SCN3A: variants seen among roughly 807,000 people sequenced by gnomAD.
The protein encoded by SCN3A is sodium voltage-gated channel alpha subunit 3.
In SCN3A, 60 loss-of-function variants were observed where a neutral mutation model predicts 187.6. That is an observed-to-expected ratio of 0.32 (90% CI 0.26 to 0.40). The LOEUF (loss-of-function observed/expected upper bound fraction) is 0.40, where lower values mean the gene tolerates loss of function less well. Among genes scored for constraint, SCN3A ranks in the 10% least tolerant of loss-of-function variants. The pLI is 1.00. For synonymous variants in SCN3A, 788 were observed against 829.2 expected, an observed-to-expected ratio of 0.95 and a Z score of 0.85; for missense variants, 1,601 against 2,428.2, an observed-to-expected ratio of 0.66 and a Z score of 7.16.
In SCN3A at chr2:165,164,495, A is replaced by G; in HGVS notation, c.499T>C (p.Phe167Leu). The change falls in exon 6 of 28, where the codon TTT (phenylalanine) becomes CTT (leucine). Residue 167 changes from phenylalanine (F) to leucine (L), a missense_variant. Physicochemically the swap from Phe to Leu is conservative, Grantham distance 22 (BLOSUM62 0). Coordinates refer to ENST00000283254, the MANE Select transcript of SCN3A (RefSeq NM_006922.4). ...GCCAAGATTTTTATAAGTGACTCAAAGGTATAGATTCCAGTGAATGTGTAC... is the reference window on the plus strand; with the variant it reads ...GCCAAGATTTTTATAAGTGACTCAAGGGTATAGATTCCAGTGAATGTGTAC... ...VEYTFTGIYT[F>L]ESLIKILARG... 6.2e-7 allele frequency: 1 copy of G among 1,613,784 alleles called. No individual in the cohort carries two copies. The highest frequency in any genetic ancestry group is 8.5e-7 in the Non-Finnish European group (1 of 1,179,786).
chr2:165,203,600 C>T (rs569564017), intron 1 of SCN3A, among the ~76,000 whole-genome samples: 9 of 152,002 alleles, frequency 5.9e-5, no homozygotes, highest in African/African-American at 1.9e-4. Flanking sequence ...CCATTGATGC[C>T]TAGTATGTAC....
intron 1 of SCN3A, among the ~76,000 whole-genome samples, chr2:165,199,534 A>T (rs1289223679): frequency 6.6e-6 from 1 of 152,014 alleles, no homozygotes; most frequent in Non-Finnish European, 1.5e-5. Flanking sequence ...TCTTTCCAGA[A>T]TGTCCTTTAT....
chr2:165,094,031 A>C (rs1244388851), intron 26 of SCN3A: 1 of 286,676 alleles, frequency 3.5e-6, no homozygotes. Flanking sequence ...GGGAGCAGAG[A>C]GTATAGAGGG....
At position 165,128,969 on chromosome 2, in the gene SCN3A, A is replaced by G. The variant is rs565424735; in HGVS notation, c.2923-868T>C. Among the ~76,000 whole-genome samples the G allele has an allele frequency of 9.2e-5, 14 of 152,318 alleles. No homozygotes were observed. In the South Asian group the frequency reaches 2.7e-3, roughly 29 times the overall value. On this transcript the variant is annotated intron_variant, in intron 17 of 27. Coordinates refer to ENST00000283254, the MANE Select transcript of SCN3A (RefSeq NM_006922.4). ...TAATAATATTTTTAGCCTGAAATGT[A>G]GTTAGTTATTGAGTTTCAGAATATG...
chr2:165,155,639 T>A, intron 10 of SCN3A, 123 bp downstream of exon 10: 1 of 1,028,402 alleles, frequency 9.7e-7, no homozygotes, highest in Non-Finnish European at 1.5e-6. Context: ...ACTCAAGTGA[T>A]CCATCCGCCT....
chr2:165,109,814 T>C (rs1028415177), intron 21 of SCN3A, among the ~76,000 whole-genome samples: 3 of 152,232 alleles, frequency 2.0e-5, no homozygotes, highest in Admixed American at 6.5e-5. Flanking sequence ...ACATATATGA[T>C]GTATAGTAAA....
intron 9 of SCN3A, among the ~76,000 whole-genome samples, chr2:165,160,782 G>C (rs527737328): frequency 7.9e-4 from 120 of 151,972 alleles, no homozygotes; most frequent in African/African-American, 2.7e-3. Flanking sequence ...CTGAGATACA[G>C]GTGTGCCCCA....
At chr2:165,096,606 C>A (rs981111789) in intron 23 of SCN3A, 86 bp from the exon 24 acceptor site, 3 of 905,166 alleles carry the variant, frequency 3.3e-6, no homozygotes, top group Non-Finnish European at 5.4e-6. Flanking sequence ...AGTATTATAA[C>A]AAATAACTTT....
chr2:165,131,557 G>GT (rs1038123766), intron 15 of SCN3A, 140 bp from the exon 16 acceptor site: 3 of 436,910 alleles, frequency 6.9e-6, no homozygotes, highest in Non-Finnish European at 8.0e-6. Context: ...TCAAGTCTTA[G>GT]TTTTTTTATT....
Position 165,116,477 on chromosome 2 carries a change from C to T in SCN3A, c.3394-902G>A, listed in dbSNP as rs73969189. On this transcript the variant is annotated intron_variant, in intron 18 of 27. Transcript: ENST00000283254. The stretch of plus-strand genomic sequence containing the variant: ...TATGAAAACAGTTGCAAAGACATGA[C>T]GCACAGCACAACCTAGATAATGTAA... Among the ~76,000 whole-genome samples the T allele has an allele frequency of 6.1e-3, 925 of 152,190 alleles. 3 individuals carry two copies. The highest frequency in any genetic ancestry group is 0.018 in the African/African-American group (759 of 41,530).
At chr2:165,125,987 TAC>T (rs1686967214) in intron 18 of SCN3A, among the ~76,000 whole-genome samples, 1 of 152,238 alleles carries the variant, frequency 6.6e-6, no homozygotes, top group Non-Finnish European at 1.5e-5. Context: ...CTTATTATTA[TAC>T]TATCTTTCAG....
At chr2:165,115,323 T>A in intron 19 of SCN3A, 132 bp downstream of exon 19, 1 of 1,063,378 alleles carries the variant, frequency 9.4e-7, no homozygotes, top group Non-Finnish European at 1.4e-6. Context: ...TACCGTAGCC[T>A]CCCAAAATTT....
intron 1 of SCN3A, among the ~76,000 whole-genome samples, chr2:165,193,237 T>TG (rs1691725646): frequency 6.6e-6 from 1 of 152,086 alleles, no homozygotes; most frequent in African/African-American, 2.4e-5. Flanking sequence ...ATGTTCTACA[T>TG]GGGGGAGGGG....
intron 1 of SCN3A, among the ~76,000 whole-genome samples, chr2:165,187,435 G>A (rs1200745195): frequency 1.3e-5 from 2 of 152,126 alleles, no homozygotes; most frequent in Non-Finnish European, 2.9e-5. Flanking sequence ...TCTAAAATCA[G>A]TAACTGACAT....
intron 5 of SCN3A, among the ~76,000 whole-genome samples, chr2:165,164,819 A>G (rs772504486): frequency 1.1e-4 from 16 of 152,178 alleles, no homozygotes; most frequent in Non-Finnish European, 4.4e-5. Flanking sequence ...GCGCAGCAGT[A>G]TCTGATAGAA....
chr2:165,147,070 C>G, intron 11 of SCN3A, 41 bp from the exon 12 acceptor site: 1 of 1,611,022 alleles, frequency 6.2e-7, no homozygotes, highest in Non-Finnish European at 8.5e-7. Flanking sequence ...GAACACAGAG[C>G]TTTGAAAACA....
chr2:165,173,093 G>C (rs1051140711), intron 3 of SCN3A, among the ~76,000 whole-genome samples: 22 of 152,080 alleles, frequency 1.4e-4, no homozygotes, highest in Non-Finnish European at 2.8e-4. Context: ...AATGTTACTT[G>C]CTTCTTTTTC....
chr2:165,172,465 AGGG>A (rs1690168154), intron 3 of SCN3A, among the ~76,000 whole-genome samples: 1 of 152,186 alleles, frequency 6.6e-6, no homozygotes, highest in Non-Finnish European at 1.5e-5. Context: ...GAAGCATTAA[AGGG>A]TTGCCTTGGA....
intron 11 of SCN3A, 142 bp from the exon 12 acceptor site, chr2:165,147,171 G>C: frequency 1.1e-6 from 1 of 919,300 alleles, no homozygotes; most frequent in South Asian, 1.6e-5. Flanking sequence ...CTCACCACAA[G>C]AGTTTACTTA....
Sources: allele counts gnomAD v4.1 joint callset (sites outside exome capture counted in the v4.1 genomes callset), GRCh38; gene constraint gnomAD v4.1.1; transcripts MANE v1.5; gene names NCBI Gene and HGNC (gene_info 2026-07-23, HGNC 2026-07-21).